SDK1: variants seen among roughly 807,000 people sequenced by gnomAD.
SDK1 encodes the protein sidekick cell adhesion molecule 1.
Under a neutral mutation model 245.5 loss-of-function variants are expected in SDK1, and 157 were observed. The ratio of observed to expected loss-of-function variants is 0.64; its 90% CI spans 0.56 to 0.73. SDK1 has a LOEUF of 0.73. Among genes scored for constraint, SDK1 ranks in the 30% least tolerant of loss-of-function variants. SDK1 has a pLI of 0.00. For missense variants in SDK1, 3,583 were observed against 3,002.3 expected (o/e 1.19, Z -4.52); for synonymous variants, 1,647 against 1,278.5 (o/e 1.29, Z -6.15).
At chr7:3,768,690 T>G (rs988261563) in intron 4 of SDK1, among the ~76,000 whole-genome samples, 3 of 152,228 alleles carry the variant, frequency 2.0e-5, no homozygotes, top group Admixed American at 6.5e-5. Context: ...CCTAAAGGTT[T>G]GGCACAGAGC....
intron 1 of SDK1, among the ~76,000 whole-genome samples, chr7:3,612,270 C>G (rs1464168719): frequency 6.6e-6 from 1 of 152,218 alleles, no homozygotes; most frequent in East Asian, 1.9e-4. Flanking sequence ...ATCATAGGAT[C>G]CTCTTACAGC....
rs143581090 is a variant in SDK1, at chr7:3,384,520, C to T, written c.298+82636C>T. Among the ~76,000 whole-genome samples the T allele has an allele frequency of 8.5e-5, 13 of 152,304 alleles. No individual in the cohort carries two copies. The East Asian group carries it at 2.1e-3, about 25-fold the overall frequency. ...GAAATGCTAGAGCAAATAAATCTAA[C>T]GTTGTCTAACCCAGTGTTTCCCAAG... On this transcript the variant is annotated intron_variant, in intron 1 of 44. Transcript: ENST00000404826.
intron 1 of SDK1, among the ~76,000 whole-genome samples, chr7:3,600,710 G>A (rs868715743): frequency 2.0e-5 from 3 of 151,618 alleles, no homozygotes; most frequent in African/African-American, 4.8e-5. Context: ...CACCACGCCC[G>A]GTTAATTTTT....
At chr7:3,853,132 A>G (rs1034872175) in intron 5 of SDK1, among the ~76,000 whole-genome samples, 1 of 151,512 alleles carries the variant, frequency 6.6e-6, no homozygotes, top group African/African-American at 2.4e-5. Flanking sequence ...TGTATTTTCA[A>G]TCCACACTTG....
chr7:3,329,761 C>T (rs1002086984), intron 1 of SDK1, among the ~76,000 whole-genome samples: 7 of 152,164 alleles, frequency 4.6e-5, no homozygotes, highest in Admixed American at 1.3e-4. Context: ...ATTAAGAATA[C>T]TTAAAAAACT....
In SDK1 at chr7:3,732,901, G is replaced by A. The variant is rs369457348; in HGVS notation, c.714-88549G>A. 1.2e-4 allele frequency among the ~76,000 whole-genome samples: 18 copies of A among 152,288 alleles called. No individual in the cohort carries two copies. The East Asian group carries it at 2.3e-3, about 20-fold the overall frequency. Reference sequence around the variant, plus strand: ...ACAGCAGTCATCCTGACTTGCTGTGGAGAATGAGTTTATCTTGAGTGGAAG... The same window carrying A: ...ACAGCAGTCATCCTGACTTGCTGTGAAGAATGAGTTTATCTTGAGTGGAAG... On this transcript the variant is annotated intron_variant, in intron 4 of 44. Transcript: ENST00000404826.
At chr7:4,016,029 C>T (rs28464787) in intron 16 of SDK1, among the ~76,000 whole-genome samples, 1 of 152,238 alleles carries the variant, frequency 6.6e-6, no homozygotes, top group Non-Finnish European at 1.5e-5. Context: ...GCCTGAATTT[C>T]TGGGTTTCTT....
intron 1 of SDK1, among the ~76,000 whole-genome samples, chr7:3,576,864 C>T (rs1391553587): frequency 1.3e-5 from 2 of 152,060 alleles, no homozygotes; most frequent in East Asian, 1.9e-4. Context: ...AAGTTGGTTA[C>T]TATTTGCCGG....
chr7:3,464,259 C>A (rs1215295865), intron 1 of SDK1, among the ~76,000 whole-genome samples: 1 of 152,138 alleles, frequency 6.6e-6, no homozygotes, highest in East Asian at 1.9e-4. Flanking sequence ...CATGGTGGCT[C>A]ACGCCTATAA....
chr7:4,057,447 G>T (rs1489679777), intron 19 of SDK1, among the ~76,000 whole-genome samples: 1 of 152,168 alleles, frequency 6.6e-6, no homozygotes, highest in Non-Finnish European at 1.5e-5. Flanking sequence ...TGCTCAGCCT[G>T]TCACAGCCAC....
chr7:3,325,210 A>G (rs1562415075), intron 1 of SDK1, among the ~76,000 whole-genome samples: 1 of 152,110 alleles, frequency 6.6e-6, no homozygotes, highest in Non-Finnish European at 1.5e-5. Context: ...ACCATATGTT[A>G]AACATTGACT....
chr7:3,833,795 G>A (rs116199765), intron 5 of SDK1, among the ~76,000 whole-genome samples: 1 of 152,286 alleles, frequency 6.6e-6, no homozygotes, highest in African/African-American at 2.4e-5. Context: ...TTTACTTACA[G>A]TGTTTGTAAA....
chr7:3,654,933 G>T (rs187172868), intron 4 of SDK1, among the ~76,000 whole-genome samples: 2 of 152,092 alleles, frequency 1.3e-5, no homozygotes, highest in East Asian at 3.9e-4. Flanking sequence ...CATAATTGCA[G>T]TTCACCAACT....
At chr7:3,875,573 T>TCCCCA (rs932772056) in intron 5 of SDK1, among the ~76,000 whole-genome samples, 1 of 152,184 alleles carries the variant, frequency 6.6e-6, no homozygotes, top group Non-Finnish European at 1.5e-5. Context: ...CCCCTCTTTA[T>TCCCCA]CCCCACTTCA....
Position 3,505,364 on chromosome 7 carries a change from G to A in SDK1, c.299-113716G>A, listed in dbSNP as rs551886473. Among the ~76,000 whole-genome samples the A allele has an allele frequency of 6.6e-5, 10 of 152,020 alleles. No homozygotes were observed. The South Asian group carries it at 2.1e-3, about 32-fold the overall frequency. On this transcript the variant is annotated intron_variant, in intron 1 of 44. Coordinates refer to ENST00000404826, the MANE Select transcript of SDK1 (RefSeq NM_152744.4). ...TTGGCTCAAGGAATCCAATCCTCCTGCCTCTGCCTCCCAAGTAGCTAGGAC... is the reference window on the plus strand; with the variant it reads ...TTGGCTCAAGGAATCCAATCCTCCTACCTCTGCCTCCCAAGTAGCTAGGAC...
chr7:3,307,639 A>G (rs7793558), intron 1 of SDK1, among the ~76,000 whole-genome samples: 11 of 152,230 alleles, frequency 7.2e-5, no homozygotes, highest in Non-Finnish European at 1.2e-4. Context: ...TCAGCCTGAT[A>G]CCAATCTCCT....
chr7:3,530,080 T>C (rs1164829372), intron 1 of SDK1, among the ~76,000 whole-genome samples: 1 of 152,116 alleles, frequency 6.6e-6, no homozygotes, highest in Non-Finnish European at 1.5e-5. Context: ...TTAAAGACTC[T>C]CAAAAAGTAT....
At chr7:3,604,585 T>G (rs1162751170) in intron 1 of SDK1, among the ~76,000 whole-genome samples, 1 of 148,830 alleles carries the variant, frequency 6.7e-6, no homozygotes, top group Non-Finnish European at 1.5e-5. Context: ...CCAGACTTTT[T>G]CTTTTTCTTT....
intron 1 of SDK1, among the ~76,000 whole-genome samples, chr7:3,469,570 C>T (rs760816081): frequency 1.8e-4 from 28 of 152,132 alleles, no homozygotes; most frequent in Non-Finnish European, 3.5e-4. Flanking sequence ...AGGGCCTATT[C>T]CTAGGTTGTT....
Sources: gnomAD v4.1 joint callset for allele counts (sites outside exome capture counted in the v4.1 genomes callset) on GRCh38, gnomAD v4.1.1 for gene constraint, MANE v1.5 for transcripts, NCBI Gene and HGNC (gene_info 2026-07-23, HGNC 2026-07-21) for gene names.